The following DCLK1 variants were observed in gnomAD, a reference collection of about 807,000 sequenced individuals.
DCLK1 encodes the protein doublecortin like kinase 1.
DCLK1 carries 16 observed loss-of-function variants against 86.2 expected under a neutral mutation model. The observed-to-expected ratio is 0.19, with a 90% CI of 0.13 to 0.28. The LOEUF (loss-of-function observed/expected upper bound fraction) is 0.28. Among genes scored for constraint, DCLK1 ranks in the 10% least tolerant of loss-of-function variants. DCLK1 has a pLI of 1.00. For missense variants in DCLK1, 590 were observed against 940.2 expected (o/e 0.63, Z 4.87); for synonymous variants, 369 against 370.5 (o/e 1.00, Z 0.05).
At chr13:35,887,878 CAAAAAAAAAAAAAA>C (rs760195385) in intron 4 of DCLK1, among the ~76,000 whole-genome samples, 823 of 38,798 alleles carry the variant, frequency 0.021, 10 homozygotes, top group Middle Eastern at 0.079. Context: ...GATCTTGTCT[CAAAAAAAAAAAAAA>C]AAAAAAAAAA....
At chr13:35,853,039 C>A (rs1926465) in intron 6 of DCLK1, among the ~76,000 whole-genome samples, 2,711 of 152,252 alleles carry the variant, frequency 0.018, 90 homozygotes, top group African/African-American at 0.062. Context: ...TATAGATTGA[C>A]GCCTCACTGG....
chr13:35,873,863 C>T (rs183073903), intron 4 of DCLK1, among the ~76,000 whole-genome samples: 191 of 152,254 alleles, frequency 1.3e-3, no homozygotes, highest in Middle Eastern at 6.8e-3. Flanking sequence ...CGCATATTAG[C>T]CATTTGGATT....
At chr13:36,045,132 G>T (rs1398466885) in intron 3 of DCLK1, among the ~76,000 whole-genome samples, 3 of 150,082 alleles carry the variant, frequency 2.0e-5, no homozygotes, top group Non-Finnish European at 3.0e-5. Flanking sequence ...CAATAAAGTT[G>T]AAAAAATGTT....
intron 3 of DCLK1, among the ~76,000 whole-genome samples, chr13:35,988,194 G>A (rs370539926): frequency 2.6e-5 from 4 of 152,306 alleles, no homozygotes; most frequent in East Asian, 1.9e-4. Flanking sequence ...GTCGGCCCCC[G>A]CCGCACCCAC....
At chr13:35,829,775 G>A (rs768501944) in intron 8 of DCLK1, among the ~76,000 whole-genome samples, 4 of 152,182 alleles carry the variant, frequency 2.6e-5, no homozygotes, top group Non-Finnish European at 4.4e-5. Flanking sequence ...TGGGGTTCAG[G>A]TGGTAGAAGG....
intron 3 of DCLK1, among the ~76,000 whole-genome samples, chr13:36,096,073 T>C (rs1235450146): frequency 6.6e-6 from 1 of 152,214 alleles, no homozygotes; most frequent in African/African-American, 2.4e-5. Context: ...AAGGGTTTTT[T>C]GTATGTAATT....
At chr13:35,915,220 G>A (rs1356702063) in intron 4 of DCLK1, among the ~76,000 whole-genome samples, 1 of 152,152 alleles carries the variant, frequency 6.6e-6, no homozygotes, top group Non-Finnish European at 1.5e-5. Context: ...TGTTTTTTCA[G>A]AGTCACAGAA....
At chr13:35,775,863 C>CCCCTCATACA (rs1200521386) in intron 16 of DCLK1, among the ~76,000 whole-genome samples, 1 of 152,158 alleles carries the variant, frequency 6.6e-6, no homozygotes, top group African/African-American at 2.4e-5. Context: ...TGCAGTATAG[C>CCCCTCATACA]ATTAGGGCAA....
At chr13:35,840,804 T>C (rs1448510109) in intron 6 of DCLK1, among the ~76,000 whole-genome samples, 2 of 152,230 alleles carry the variant, frequency 1.3e-5, no homozygotes, top group African/African-American at 2.4e-5. Flanking sequence ...TAGGAGCTTC[T>C]AAGCCACCCT....
intron 4 of DCLK1, among the ~76,000 whole-genome samples, chr13:35,922,764 A>G (rs1388871771): frequency 1.3e-5 from 2 of 152,142 alleles, no homozygotes; most frequent in African/African-American, 4.8e-5. Context: ...ATTGTTTTCA[A>G]TCCTCACAAT....
chr13:35,793,386 C>A lies in DCLK1; in HGVS notation c.2038G>T (p.Ala680Ser), dbSNP rs1427749722. The change falls in exon 16 of 17, where the codon GCT becomes TCT. Residue 680 changes from alanine to serine, a missense_variant. Ala to Ser is a moderately conservative substitution (Grantham distance 99, BLOSUM62 1). This residue lies in a region of DCLK1 where 146 missense variants were observed against 190.2 expected (regional missense o/e 0.77). Coordinates refer to ENST00000360631, the MANE Select transcript of DCLK1 (RefSeq NM_001330071.2). ...CTTACTGCTATGACAGAAACTCCAG[C>A]TGCTGTGCTATTCGGCTTGGGGCCT... ...NTGPKPNSTA[A>S]GVSVIATTAL... The A allele has an allele frequency of 6.2e-7, 1 of 1,607,196 alleles. No homozygotes were observed. The highest frequency in any genetic ancestry group is 1.3e-5 in the African/African-American group (1 of 74,578).
At chr13:36,023,268 A>G (rs1233994172) in intron 3 of DCLK1, among the ~76,000 whole-genome samples, 1 of 152,230 alleles carries the variant, frequency 6.6e-6, no homozygotes, top group Non-Finnish European at 1.5e-5. Context: ...GGCACGTTCA[A>G]ATCTGCAGTG....
intron 3 of DCLK1, among the ~76,000 whole-genome samples, chr13:36,104,698 G>T (rs1352197041): frequency 6.6e-6 from 1 of 151,934 alleles, no homozygotes; most frequent in Non-Finnish European, 1.5e-5. Context: ...CTTTCTCGGT[G>T]GGATGGATTG....
intron 2 of DCLK1, among the ~76,000 whole-genome samples, chr13:36,122,551 G>T (rs1256926120): frequency 6.6e-6 from 1 of 152,098 alleles, no homozygotes; most frequent in Non-Finnish European, 1.5e-5. Flanking sequence ...GAGTTCAAAG[G>T]CTTTAAATGT....
At chr13:35,981,586 A>C (rs1249311912) in intron 3 of DCLK1, among the ~76,000 whole-genome samples, 1 of 152,196 alleles carries the variant, frequency 6.6e-6, no homozygotes, top group African/African-American at 2.4e-5. Flanking sequence ...AGAGTATCAT[A>C]CAGAGTAGCT....
chr13:35,824,076 G>C (rs1376952989), intron 10 of DCLK1, among the ~76,000 whole-genome samples: 2 of 152,222 alleles, frequency 1.3e-5, no homozygotes, highest in Non-Finnish European at 2.9e-5. Context: ...TGGTCTATGT[G>C]AACAGCACCC....
At position 35,772,414 on chromosome 13, in the gene DCLK1, A is replaced by C. The variant is rs9943927; in HGVS notation, c.*2121T>G. Reference sequence around the variant, plus strand: ...GGTCTCTGCCCATTGCATTCTTCACACTTTTAGAGTTGAGGCCAGGCTGTA... The same window carrying C: ...GGTCTCTGCCCATTGCATTCTTCACCCTTTTAGAGTTGAGGCCAGGCTGTA... On this transcript the variant is annotated 3_prime_UTR_variant, in exon 17 of 17. Coordinates refer to ENST00000360631, the MANE Select transcript of DCLK1 (RefSeq NM_001330071.2). 6.6e-6 allele frequency: 1 copy of C among 152,266 alleles called. No homozygotes were observed. Among genetic ancestry groups the C allele is most frequent in the South Asian group, 2.1e-4 (1 of 4,824 alleles). The allele number at this position is 152,266 out of a possible 1,614,324, so 9.4% of individuals were successfully genotyped here.
intron 5 of DCLK1, among the ~76,000 whole-genome samples, chr13:35,865,463 C>G (rs1485721526): frequency 4.6e-5 from 7 of 152,160 alleles, no homozygotes; most frequent in African/African-American, 1.4e-4. Flanking sequence ...TGTCTGGAGG[C>G]TCTTTACTCT....
At chr13:35,989,007 G>C (rs1332591046) in intron 3 of DCLK1, among the ~76,000 whole-genome samples, 3 of 152,076 alleles carry the variant, frequency 2.0e-5, no homozygotes, top group Non-Finnish European at 4.4e-5. Context: ...CTCACCTGCA[G>C]GCCATCTTCA....
Sources: allele counts gnomAD v4.1 joint callset (sites outside exome capture counted in the v4.1 genomes callset), GRCh38; gene constraint gnomAD v4.1.1; regional missense constraint gnomAD v4.1.1; transcripts MANE v1.5; gene names NCBI Gene and HGNC (gene_info 2026-07-23, HGNC 2026-07-21).